The following SLCO2A1 variants were observed in gnomAD, a reference collection of about 807,000 sequenced individuals.
The protein encoded by SLCO2A1 is matrin F/G 1.
A neutral mutation model predicts 71.7 loss-of-function variants in SLCO2A1; 60 were observed. That is an observed-to-expected ratio of 0.84 (90% confidence interval 0.68 to 1.04). SLCO2A1 has a LOEUF of 1.04. SLCO2A1 is among the 50% of genes least tolerant of loss of function. The pLI is 0.00. For synonymous variants in SLCO2A1, 308 were observed against 326.7 expected (o/e 0.94, Z 0.62); for missense variants, 745 against 813.4 (o/e 0.92, Z 1.02).
chr3:133,940,665 C>T (rs1378465436), intron 11 of SLCO2A1, among the ~76,000 whole-genome samples: 1 of 152,166 alleles, frequency 6.6e-6, no homozygotes, highest in East Asian at 1.9e-4. Context: ...GGGAAGCCCG[C>T]TGAAGAGTCT....
intron 3 of SLCO2A1, among the ~76,000 whole-genome samples, chr3:133,967,457 C>T (rs182389153): frequency 1.1e-4 from 16 of 152,308 alleles, no homozygotes; most frequent in Middle Eastern, 3.4e-3. Flanking sequence ...CCTTCTCTAC[C>T]GCAGTCTAGT....
chr3:134,020,883 G>C (rs1298193795), intron 1 of SLCO2A1, among the ~76,000 whole-genome samples: 2 of 151,950 alleles, frequency 1.3e-5, no homozygotes, highest in Non-Finnish European at 2.9e-5. Context: ...TGGAAGCTTG[G>C]CCTGATCACC....
intron 5 of SLCO2A1, 90 bp from the exon 6 acceptor site, chr3:133,951,434 G>C: frequency 6.7e-7 from 1 of 1,494,050 alleles, no homozygotes; most frequent in Non-Finnish European, 9.2e-7. Flanking sequence ...GAGTTTCACT[G>C]ATTTTCTTCC....
At chr3:134,011,808 G>A (rs368388405) in intron 1 of SLCO2A1, among the ~76,000 whole-genome samples, 53 of 152,330 alleles carry the variant, frequency 3.5e-4, no homozygotes, top group African/African-American at 9.9e-4. Context: ...GGAGGGTGAA[G>A]TCAATGACCT....
chr3:133,947,531 G>T, intron 8 of SLCO2A1, 86 bp from the exon 9 acceptor site: 1 of 1,151,820 alleles, frequency 8.7e-7, no homozygotes, highest in Non-Finnish European at 1.2e-6. Context: ...TCACTGAGAA[G>T]GAAGCATGGC....
At chr3:133,958,825 G>T (rs920378898) in intron 3 of SLCO2A1, among the ~76,000 whole-genome samples, 1 of 152,170 alleles carries the variant, frequency 6.6e-6, no homozygotes, top group African/African-American at 2.4e-5. Context: ...ACTGTGTATG[G>T]AGAAATAAAC....
At chr3:133,973,482 GCA>G (rs1279432906) in intron 3 of SLCO2A1, among the ~76,000 whole-genome samples, 179 bp downstream of exon 3, 4 of 152,226 alleles carry the variant, frequency 2.6e-5, no homozygotes, top group African/African-American at 9.6e-5. Context: ...GCCATGCACT[GCA>G]CACTTTCCTG....
chr3:133,958,129 C>T (rs756347507), intron 3 of SLCO2A1, among the ~76,000 whole-genome samples: 6 of 152,230 alleles, frequency 3.9e-5, no homozygotes, highest in Non-Finnish European at 8.8e-5. Context: ...CCATTTCCAA[C>T]ACCCAGAACT....
chr3:133,941,479 C>T (rs1249269431), intron 11 of SLCO2A1, among the ~76,000 whole-genome samples: 3 of 152,036 alleles, frequency 2.0e-5, no homozygotes, highest in African/African-American at 7.2e-5. Flanking sequence ...GACTTTAATC[C>T]TGGCACCGGG....
chr3:133,981,708 G>A (rs1934596682), intron 1 of SLCO2A1, among the ~76,000 whole-genome samples: 1 of 152,194 alleles, frequency 6.6e-6, no homozygotes. Context: ...TGGGCGCGGT[G>A]GCTCATGCCT....
intron 3 of SLCO2A1, among the ~76,000 whole-genome samples, chr3:133,963,380 A>G (rs1660567966): frequency 6.6e-6 from 1 of 152,312 alleles, no homozygotes; most frequent in South Asian, 2.1e-4. Context: ...CCAGCTGTCA[A>G]GGGAATAAAT....
At chr3:133,938,559 G>A in intron 11 of SLCO2A1, 66 bp from the exon 12 acceptor site, 2 of 1,508,364 alleles carry the variant, frequency 1.3e-6, no homozygotes, top group Non-Finnish European at 1.8e-6. Flanking sequence ...TGGGTAAGGG[G>A]CAGCCAGCCT....
At chr3:133,962,994 G>C (rs115619620) in intron 3 of SLCO2A1, among the ~76,000 whole-genome samples, 2,137 of 152,260 alleles carry the variant, frequency 0.014, 48 homozygotes, top group African/African-American at 0.049. Context: ...AAGTTCATCA[G>C]AGCACATTTT....
At position 133,938,367 on chromosome 3, in the gene SLCO2A1, T is replaced by C. The variant is rs59475881; in HGVS notation, c.1690+62A>G. 6.7e-3 allele frequency: 9,450 copies of C among 1,413,790 alleles called. 504 individuals carry two copies. The African/African-American group carries it at 0.11, about 17-fold the overall frequency. The allele number at this position is 1,413,790 out of a possible 1,614,324, so 87.6% of individuals were successfully genotyped here. A position where few individuals can be genotyped will look rare whatever the true frequency, so the allele number is the denominator to read the frequency against. On this transcript the variant is annotated intron_variant, in intron 12 of 13. Transcript: ENST00000310926. Reference sequence around the variant, plus strand: ...TTCCTCCATCGCTACCCTGCACCCATAGCCTTCAGATGCCCCATCGCCTGG... The same window carrying C: ...TTCCTCCATCGCTACCCTGCACCCACAGCCTTCAGATGCCCCATCGCCTGG...
intron 1 of SLCO2A1, among the ~76,000 whole-genome samples, chr3:133,980,297 A>G (rs1464672326): frequency 6.6e-6 from 1 of 152,198 alleles, no homozygotes; most frequent in Non-Finnish European, 1.5e-5. Context: ...ATGGATGATC[A>G]AGGCCCCAGG....
intron 10 of SLCO2A1, 110 bp downstream of exon 10, chr3:133,944,985 G>GTT: frequency 7.9e-7 from 1 of 1,261,812 alleles, no homozygotes. Context: ...TAATGAGTGT[G>GTT]TGTGTGGAGC....
intron 1 of SLCO2A1, among the ~76,000 whole-genome samples, chr3:133,979,847 T>C (rs1349346948): frequency 6.6e-6 from 1 of 152,188 alleles, no homozygotes; most frequent in Non-Finnish European, 1.5e-5. Context: ...TGCATTCTTA[T>C]CACTGCTGTG....
intron 11 of SLCO2A1, among the ~76,000 whole-genome samples, chr3:133,941,941 CA>C (rs1933434532): frequency 1.3e-5 from 2 of 152,272 alleles, no homozygotes; most frequent in South Asian, 4.1e-4. Context: ...CTGGCTTCAA[CA>C]CATGGCTCAG....
intron 1 of SLCO2A1, among the ~76,000 whole-genome samples, chr3:133,997,218 C>T (rs1031770614): frequency 2.0e-5 from 3 of 152,198 alleles, no homozygotes; most frequent in Admixed American, 1.3e-4. Context: ...GCTATGATCC[C>T]CACGGCTGGT....
Sources: allele counts gnomAD v4.1 joint callset (sites outside exome capture counted in the v4.1 genomes callset), GRCh38; gene constraint gnomAD v4.1.1; transcripts MANE v1.5; gene names NCBI Gene and HGNC (gene_info 2026-07-23, HGNC 2026-07-21).